GALNT17: variants seen among roughly 807,000 people sequenced by gnomAD.
GALNT17 encodes the protein UDP-GalNAc:polypeptide N-acetylgalactosaminyltransferase-like 3.
Under a neutral mutation model 63.7 loss-of-function variants are expected in GALNT17, and 29 were observed. The ratio of observed to expected loss-of-function variants is 0.46; its 90% CI spans 0.34 to 0.62. The LOEUF is 0.62. Ranked by LOEUF, GALNT17 falls within the 20% of genes least tolerant of loss-of-function variation. The pLI, the probability that GALNT17 is intolerant of heterozygous loss-of-function variation, is 0.01. For missense variants in GALNT17, 603 were observed against 799.6 expected (o/e 0.75, Z 2.97); for synonymous variants, 305 against 318.3 (o/e 0.96, Z 0.45).
intron 9 of GALNT17, among the ~76,000 whole-genome samples, chr7:71,709,289 A>G (rs1482005240): frequency 6.6e-6 from 1 of 151,936 alleles, no homozygotes; most frequent in African/African-American, 2.4e-5. Flanking sequence ...TGTGGTTTTG[A>G]TTTGCATGTG....
intron 6 of GALNT17, among the ~76,000 whole-genome samples, chr7:71,605,789 GA>G (rs1471130307): frequency 2.0e-5 from 3 of 152,166 alleles, no homozygotes; most frequent in African/African-American, 7.2e-5. Context: ...ATAGGAAACA[GA>G]AATTCATTTA....
At chr7:71,687,396 G>A (rs1388459895) in intron 9 of GALNT17, among the ~76,000 whole-genome samples, 1 of 152,188 alleles carries the variant, frequency 6.6e-6, no homozygotes, top group Non-Finnish European at 1.5e-5. Context: ...TTAGCATGTA[G>A]GAGGCACCCC....
At chr7:71,394,979 G>T (rs1230682491) in intron 3 of GALNT17, among the ~76,000 whole-genome samples, 1 of 152,034 alleles carries the variant, frequency 6.6e-6, no homozygotes, top group African/African-American at 2.4e-5. Context: ...GCACGTGCCT[G>T]TAGTCTGAGC....
rs571677681 is a variant in GALNT17, at chr7:71,330,938, C to T, written c.239-4612C>T. ...GCTCCTGGGCTCTCCTCTCTGCACC[C>T]TCTGCCACGGCTCTAGCCTGCTTGT... On this transcript the variant is annotated intron_variant, in intron 1 of 10. Transcript: ENST00000333538. Among the ~76,000 whole-genome samples the T allele has an allele frequency of 4.6e-5, 7 of 152,292 alleles. No homozygotes were observed. The East Asian group carries it at 7.7e-4, about 17-fold the overall frequency.
chr7:71,584,318 C>A lies in GALNT17; in HGVS notation c.1080+12916C>A, dbSNP rs1304274094. Among the ~76,000 whole-genome samples, 4 of 152,112 alleles carry A rather than the reference C, an allele frequency of 2.6e-5. No homozygotes were observed. The East Asian group carries it at 5.8e-4, about 22-fold the overall frequency. ...CAGTCATTACATTTTATGCTAATTT[C>A]TTTTATTTTAATTCAACATTTTTGA... On this transcript the variant is annotated intron_variant, in intron 6 of 10. Transcript: ENST00000333538.
chr7:71,711,851 TTC>T (rs1180991522), intron 10 of GALNT17, among the ~76,000 whole-genome samples, 165 bp from the exon 11 acceptor site: 2 of 151,452 alleles, frequency 1.3e-5, no homozygotes, highest in South Asian at 2.1e-4. Context: ...TCTCTCCTCT[TTC>T]TGTCTTCTCT....
chr7:71,577,526 CG>C (rs67306108), intron 6 of GALNT17, among the ~76,000 whole-genome samples: 10,861 of 152,120 alleles, frequency 0.071, 530 homozygotes, highest in African/African-American at 0.14. Flanking sequence ...ACCTTCTTGC[CG>C]ATTCCAGCCC....
chr7:71,447,679 A>G (rs1787184515), intron 5 of GALNT17, among the ~76,000 whole-genome samples: 2 of 152,156 alleles, frequency 1.3e-5, no homozygotes, highest in African/African-American at 4.8e-5. Flanking sequence ...CATCTGATCC[A>G]CATGGTATAC....
At chr7:71,585,607 C>T (rs918974160) in intron 6 of GALNT17, among the ~76,000 whole-genome samples, 2 of 151,672 alleles carry the variant, frequency 1.3e-5, no homozygotes, top group African/African-American at 4.8e-5. Flanking sequence ...TCTTTTTTTT[C>T]CTCAATAATA....
intron 5 of GALNT17, among the ~76,000 whole-genome samples, chr7:71,521,949 C>T (rs904092148): frequency 6.6e-6 from 1 of 152,042 alleles, no homozygotes; most frequent in African/African-American, 2.4e-5. Context: ...CATAAGGGCC[C>T]CTGGAAAGCT....
chr7:71,660,386 C>T (rs1317867477), intron 6 of GALNT17, among the ~76,000 whole-genome samples: 2 of 152,202 alleles, frequency 1.3e-5, no homozygotes, highest in South Asian at 2.1e-4. Flanking sequence ...CAGCCTGGGG[C>T]GCTTTCCATT....
At chr7:71,483,838 A>G (rs117507258) in intron 5 of GALNT17, among the ~76,000 whole-genome samples, 5,605 of 152,230 alleles carry the variant, frequency 0.037, 136 homozygotes, top group South Asian at 0.12. Flanking sequence ...TTCTTTCTTT[A>G]TAGCTTTAAT....
intron 5 of GALNT17, among the ~76,000 whole-genome samples, chr7:71,526,959 A>G (rs1166946606): frequency 6.6e-6 from 1 of 152,210 alleles, no homozygotes; most frequent in Non-Finnish European, 1.5e-5. Context: ...CATCACAACT[A>G]TCATTTCCTT....
chr7:71,190,149 G>A (rs756389044), intron 1 of GALNT17, among the ~76,000 whole-genome samples: 6 of 152,144 alleles, frequency 3.9e-5, no homozygotes, highest in Non-Finnish European at 8.8e-5. Context: ...TAGAGACCCG[G>A]GGCTTGGTCT....
chr7:71,615,769 C>T (rs371407017), intron 6 of GALNT17, among the ~76,000 whole-genome samples: 15 of 152,240 alleles, frequency 9.9e-5, no homozygotes, highest in African/African-American at 3.4e-4. Context: ...TGAGCCACCG[C>T]GCCCGGCCTC....
intron 2 of GALNT17, among the ~76,000 whole-genome samples, chr7:71,359,915 T>C (rs1235440323): frequency 6.6e-6 from 1 of 152,160 alleles, no homozygotes; most frequent in Non-Finnish European, 1.5e-5. Flanking sequence ...CATGTAAGGT[T>C]TCAACCAGAT....
chr7:71,384,390 C>T (rs573610121), intron 2 of GALNT17, among the ~76,000 whole-genome samples: 62 of 152,226 alleles, frequency 4.1e-4, no homozygotes, highest in Admixed American at 6.5e-4. Context: ...ATGTCCACAG[C>T]GTGCTGCAGT....
At chr7:71,248,466 C>G (rs1790140442) in intron 1 of GALNT17, among the ~76,000 whole-genome samples, 1 of 152,128 alleles carries the variant, frequency 6.6e-6, no homozygotes, top group Non-Finnish European at 1.5e-5. Context: ...TAAGGGTCAA[C>G]TGTACTGCGA....
chr7:71,593,149 CAAT>C (rs59397445), intron 6 of GALNT17, among the ~76,000 whole-genome samples: 27,143 of 146,434 alleles, frequency 0.19, 2,482 homozygotes, highest in Admixed American at 0.22. Flanking sequence ...GACCTTGTTG[CAAT>C]AATAATAATA....
Sources: gnomAD v4.1 joint callset for allele counts (sites outside exome capture counted in the v4.1 genomes callset) on GRCh38, gnomAD v4.1.1 for gene constraint, MANE v1.5 for transcripts, NCBI Gene and HGNC (gene_info 2026-07-23, HGNC 2026-07-21) for gene names.